GLB1: variants seen among roughly 807,000 people sequenced by gnomAD.
The protein encoded by GLB1 is beta-galactosidase.
A neutral mutation model predicts 74.0 loss-of-function variants in GLB1; 56 were observed. That is an observed-to-expected ratio of 0.76 (90% CI 0.61 to 0.94). GLB1 has a LOEUF of 0.94. Among genes scored for constraint, GLB1 ranks in the 40% least tolerant of loss-of-function variants. GLB1 has a pLI of 0.00. For synonymous variants in GLB1, 323 were observed against 323.6 expected (o/e 1.00, Z 0.02); for missense variants, 787 against 845.5 (o/e 0.93, Z 0.86).
At chr3:33,021,452 G>T in intron 12 of GLB1, 114 bp downstream of exon 12, 1 of 1,091,328 alleles carries the variant, frequency 9.2e-7, no homozygotes, top group Non-Finnish European at 1.4e-6. Context: ...CCTGGGATCT[G>T]ATGCATTTGC....
At chr3:33,081,583 C>T (rs575791447) in intron 1 of GLB1, among the ~76,000 whole-genome samples, 1 of 152,304 alleles carries the variant, frequency 6.6e-6, no homozygotes, top group East Asian at 1.9e-4. Context: ...TGAGGAGGGC[C>T]CTGGCATACT....
chr3:33,048,278 G>A (rs946908314), intron 9 of GLB1, among the ~76,000 whole-genome samples: 3 of 152,150 alleles, frequency 2.0e-5, no homozygotes, highest in African/African-American at 7.2e-5. Flanking sequence ...ATTTGTTCTA[G>A]TTCTACTGGC....
At chr3:33,027,582 A>G (rs977211251) in intron 10 of GLB1, among the ~76,000 whole-genome samples, 7 of 152,208 alleles carry the variant, frequency 4.6e-5, no homozygotes, top group Non-Finnish European at 1.0e-4. Context: ...CAGGAGTTCA[A>G]GACCAGCCTG....
intron 4 of GLB1, among the ~76,000 whole-genome samples, chr3:33,066,209 G>A (rs889525972): frequency 6.6e-6 from 1 of 152,188 alleles, no homozygotes; most frequent in Non-Finnish European, 1.5e-5. Flanking sequence ...TGAAACTCAT[G>A]TTGAAATCGA....
At chr3:32,991,994 C>A (rs940575009), downstream of GLB1, among the ~76,000 whole-genome samples, 2 of 152,256 alleles carry the variant, frequency 1.3e-5, no homozygotes, top group Non-Finnish European at 2.9e-5. Flanking sequence ...ATGAGAAATG[C>A]CCCGTGGGCA....
At chr3:33,078,826 T>C (rs879493100) in intron 1 of GLB1, among the ~76,000 whole-genome samples, 5 of 152,168 alleles carry the variant, frequency 3.3e-5, no homozygotes, top group African/African-American at 4.8e-5. Flanking sequence ...TTTTTATTAC[T>C]TTTTATTTAC....
Position 32,996,926 on chromosome 3 carries a change from A to C in GLB1, c.*119T>G. On this transcript the variant is annotated 3_prime_UTR_variant, in exon 16 of 16. Coordinates refer to ENST00000307363, the MANE Select transcript of GLB1 (RefSeq NM_000404.4). The stretch of plus-strand genomic sequence containing the variant: ...GGGATGCAGGGAAACCTCAGGTGAA[A>C]ATGCACATCCTAAATTCCTTTTCCA... The C allele has an allele frequency of 6.3e-7, 1 of 1,587,018 alleles. No homozygotes were observed. The highest frequency in any genetic ancestry group is 8.6e-7 in the Non-Finnish European group (1 of 1,164,318).
intron 10 of GLB1, among the ~76,000 whole-genome samples, chr3:33,025,748 G>A (rs1158170574): frequency 6.6e-6 from 1 of 151,984 alleles, no homozygotes; most frequent in Non-Finnish European, 1.5e-5. Context: ...GGCCGTGGCG[G>A]TGGGAGCAGC....
intron 1 of GLB1, among the ~76,000 whole-genome samples, chr3:33,082,988 A>G (rs2125569486): frequency 6.6e-6 from 1 of 152,338 alleles, no homozygotes; most frequent in South Asian, 2.1e-4. Flanking sequence ...AAACAGGGAC[A>G]GTCCACTTCA....
In GLB1 at chr3:33,018,112, T is replaced by C. The variant is rs554438310; in HGVS notation, c.1347+336A>G. Among the ~76,000 whole-genome samples, 17 of 151,714 alleles carry C rather than the reference T, an allele frequency of 1.1e-4. No homozygotes were observed. The East Asian group carries it at 3.3e-3, about 29-fold the overall frequency. ...CAGCCTGGGCAACATAGTGGGACCC[T>C]GTCTCTACAAAAAAAATCAAAACAT... On this transcript the variant is annotated intron_variant, in intron 13 of 15. Coordinates refer to ENST00000307363, the MANE Select transcript of GLB1 (RefSeq NM_000404.4).
Position 33,021,661 on chromosome 3 carries a change from A to G in GLB1, c.1144-6T>C, listed in dbSNP as rs767359475. 4 of 1,613,112 alleles carry G rather than the reference A, an allele frequency of 2.5e-6. No individual in the cohort carries two copies. The highest frequency in any genetic ancestry group is 3.4e-6 in the Non-Finnish European group (4 of 1,179,604). ...GCTGCTCCCACTGTCTTTAACTGAA[A>G]AGAAACAAAAGCAGCATTCACACAC... On this transcript the variant is annotated splice_polypyrimidine_tract_variant and splice_region_variant and intron_variant, in intron 11 of 15. Transcript: ENST00000307363.
At chr3:33,021,262 T>C in intron 12 of GLB1, 1 of 426,148 alleles carries the variant, frequency 2.3e-6, no homozygotes, top group Non-Finnish European at 4.4e-6. Flanking sequence ...TGATGCCTAG[T>C]AATAAAGATT....
chr3:33,096,163 T>C (rs1042112820), intron 1 of GLB1, among the ~76,000 whole-genome samples: 1 of 152,100 alleles, frequency 6.6e-6, no homozygotes, highest in Non-Finnish European at 1.5e-5. Flanking sequence ...GGAACCAAAG[T>C]TGGTCCGCGG....
intron 10 of GLB1, among the ~76,000 whole-genome samples, chr3:33,025,892 T>A (rs1054009586): frequency 6.6e-6 from 1 of 152,260 alleles, no homozygotes; most frequent in South Asian, 2.1e-4. Context: ...CTGTTGACCC[T>A]GGCCCCGCGT....
At chr3:33,008,484 A>T (rs1408464829) in intron 15 of GLB1, among the ~76,000 whole-genome samples, 1 of 152,152 alleles carries the variant, frequency 6.6e-6, no homozygotes, top group African/African-American at 2.4e-5. Context: ...GAGGGAACAA[A>T]GGAGTTACAC....
At chr3:33,047,827 C>T (rs1575446688) in intron 9 of GLB1, among the ~76,000 whole-genome samples, 1 of 152,284 alleles carries the variant, frequency 6.6e-6, no homozygotes, top group East Asian at 1.9e-4. Context: ...ACCACTCAAC[C>T]AACTGAACTG....
At chr3:32,972,554 T>C in the GLB1 span, among the ~76,000 whole-genome samples, 2 of 152,132 alleles carry the variant, frequency 1.3e-5, no homozygotes, top group East Asian at 3.9e-4. Flanking sequence ...CTCCCTTGCC[T>C]TTTACCCCTG....
Position 32,997,081 on chromosome 3 carries a change from C to T in GLB1, c.1998G>A (p.Pro666=), listed in dbSNP as rs746939617. Residue 666 remains proline, a synonymous_variant, in exon 16 of 16, where the codon CCG becomes CCA. Coordinates refer to ENST00000307363, the MANE Select transcript of GLB1 (RefSeq NM_000404.4). ...CCAGCCATGAATCTTTGTTTTTTTG[C>T]GGGGGTGGGGGCATGAGTCTTTTTT... ...PVEKRLMPPP[P]QKNKDSWLDH... The T allele has an allele frequency of 1.5e-5, 24 of 1,613,514 alleles. No homozygotes were observed. Among genetic ancestry groups the T allele is most frequent in the Admixed American group, 1.3e-4 (8 of 59,958 alleles).
At chr3:33,067,322 A>T (rs1699725330) in intron 4 of GLB1, among the ~76,000 whole-genome samples, 2 of 151,018 alleles carry the variant, frequency 1.3e-5, no homozygotes, top group Admixed American at 6.6e-5. Context: ...TTTTTGAGAC[A>T]AAGTCCCTCT....
Sources: allele counts gnomAD v4.1 joint callset (sites outside exome capture counted in the v4.1 genomes callset), GRCh38; gene constraint gnomAD v4.1.1; transcripts MANE v1.5; gene names NCBI Gene and HGNC (gene_info 2026-07-23, HGNC 2026-07-21).